CSF2RB: variants seen among roughly 807,000 people sequenced by gnomAD.
The protein encoded by CSF2RB is cytokine receptor common subunit beta.
Under a neutral mutation model 67.2 loss-of-function variants are expected in CSF2RB, and 22 were observed. That is an observed-to-expected ratio of 0.33 (90% CI 0.23 to 0.47). The LOEUF (loss-of-function observed/expected upper bound fraction) is 0.47. Among genes scored for constraint, CSF2RB ranks in the 20% least tolerant of loss-of-function variants. The pLI is 1.00. For missense variants in CSF2RB, 1,113 were observed against 1,174.5 expected, an observed-to-expected ratio of 0.95 and a Z score of 0.76; for synonymous variants, 507 against 482.9, an observed-to-expected ratio of 1.05 and a Z score of -0.65.
rs2145805493 is a variant in CSF2RB, at chr22:36,929,687, G to A, written c.598G>A (p.Glu200Lys). The A allele has an allele frequency of 6.2e-7, 1 of 1,614,218 alleles. No homozygotes were observed. Among genetic ancestry groups the A allele is most frequent in the Non-Finnish European group, 8.5e-7 (1 of 1,180,046 alleles). The stretch of plus-strand genomic sequence containing the variant: ...CACCTCCCAGGCCACCCTGGGGCCA[G>A]AGCACCTCATGCCCAGCAGCACCTA... ...SNTSQATLGPEHLMPSSTYVA... is the reference protein window; with the variant it reads ...SNTSQATLGPKHLMPSSTYVA... Residue 200 changes from glutamate (E) to lysine (K), a missense_variant, in exon 6 of 14, where the codon GAG (glutamate) becomes AAG (lysine). Glu to Lys is a moderately conservative substitution (Grantham distance 56). Transcript: ENST00000403662.
At position 36,931,195 on chromosome 22, in the gene CSF2RB, T is replaced by G. The variant is rs1057345233; in HGVS notation, c.1012+365T>G. 1.2e-4 allele frequency among the ~76,000 whole-genome samples: 18 copies of G among 152,216 alleles called. 1 individual carries two copies. In the East Asian group the frequency reaches 3.5e-3, roughly 29 times the overall value. On this transcript the variant is annotated intron_variant, in intron 8 of 13. Transcript: ENST00000403662. ...ATCCGAAATTCCCCACCGACTGATA[T>G]TCTATCTTTAATGTAATTGATCTAT...
intron 11 of CSF2RB, 94 bp downstream of exon 11, chr22:36,935,535 T>G (rs1341679356): frequency 2.5e-6 from 4 of 1,606,878 alleles, no homozygotes; most frequent in African/African-American, 2.7e-5. Context: ...GCTCTGCCGC[T>G]CCCTTCCTGG....
intron 4 of CSF2RB, among the ~76,000 whole-genome samples, chr22:36,929,193 A>G (rs563908814): frequency 4.8e-4 from 73 of 152,334 alleles, no homozygotes; most frequent in African/African-American, 1.7e-3. Context: ...TGCAATCTGC[A>G]CGGCTTTCCA....
Position 36,930,427 on chromosome 22 carries a change from G to T in CSF2RB, c.771G>T (p.Val257=). 6.2e-7 allele frequency: 1 copy of T among 1,613,718 alleles called. No homozygotes were observed. ...AGTGCTTCTTTGACGGGGCCGCCGT[G>T]CTCAGCTGCTCCTGGGAGGTGAGGA... ...NLECFFDGAA[V]LSCSWEVRKE... Residue 257 remains valine, a synonymous_variant, in exon 7 of 14, where the codon GTG becomes GTT. Coordinates refer to ENST00000403662, the MANE Select transcript of CSF2RB (RefSeq NM_000395.3).
chr22:36,922,085 A>G lies in CSF2RB; in HGVS notation c.-123A>G, dbSNP rs1940886317. ...GGGAGAGGTCCCAAGAGCCTGTGAA[A>G]TGGGTCTGGCCTGGCTCCCAGCTGG... On this transcript the variant is annotated 5_prime_UTR_variant, in exon 2 of 14. It removes an upstream start codon present in the reference 5' UTR. Coordinates refer to ENST00000403662, the MANE Select transcript of CSF2RB (RefSeq NM_000395.3). 3.2e-5 allele frequency: 27 copies of G among 851,952 alleles called. No homozygotes were observed. The East Asian group carries it at 7.0e-4, about 22-fold the overall frequency. 52.8% of individuals were successfully genotyped at this position (851,952 alleles called of 1,614,324 possible).
chr22:36,930,700 G>A lies in CSF2RB; in HGVS notation c.882G>A (p.Arg294=), dbSNP rs1941130436. 2.5e-6 allele frequency: 4 copies of A among 1,612,908 alleles called. No homozygotes were observed. The highest frequency in any genetic ancestry group is 3.4e-6 in the Non-Finnish European group (4 of 1,180,022). The part of the protein sequence containing the change: ...AGEEECSPVL[R]EGLGSLHTRH... ...AGGAAGAGTGCTCCCCAGTGCTGAGGGAGGGGCTCGGCAGCCTCCACACCA... is the reference window on the plus strand; with the variant it reads ...AGGAAGAGTGCTCCCCAGTGCTGAGAGAGGGGCTCGGCAGCCTCCACACCA... Residue 294 remains arginine, a synonymous_variant, in exon 8 of 14, where the codon AGG becomes AGA. Coordinates refer to ENST00000403662, the MANE Select transcript of CSF2RB (RefSeq NM_000395.3).
rs903431592 is a variant in CSF2RB, at chr22:36,939,576, A to G, written c.*1074A>G. On this transcript the variant is annotated 3_prime_UTR_variant, in exon 14 of 14. Transcript: ENST00000403662. ...ATGGCATTAAATTGCTTTAATTTGC[A>G]TTATTTTAGTTATCCAGTTTGCACA... The G allele has an allele frequency of 3.5e-5, 9 of 260,668 alleles. No homozygotes were observed. The highest frequency in any genetic ancestry group is 1.7e-4 in the African/African-American group (8 of 46,172). The allele number at this position is 260,668 out of a possible 1,614,324, so 16.1% of individuals were successfully genotyped here.
intron 9 of CSF2RB, 118 bp downstream of exon 9, chr22:36,933,022 G>T: frequency 4.8e-6 from 6 of 1,238,442 alleles, no homozygotes; most frequent in Non-Finnish European, 5.7e-6. Flanking sequence ...GTGAGAGGTA[G>T]CCACTGGGAC....
At chr22:36,929,606 A>AC in intron 5 of CSF2RB, 33 bp from the exon 6 acceptor site, 1 of 1,613,886 alleles carries the variant, frequency 6.2e-7, no homozygotes, top group South Asian at 1.1e-5. Flanking sequence ...GATGGGCAGC[A>AC]CCCCTCCTCC....
intron 3 of CSF2RB, 124 bp downstream of exon 3, chr22:36,923,491 G>T: frequency 7.2e-7 from 1 of 1,391,642 alleles, no homozygotes; most frequent in Non-Finnish European, 9.8e-7. Context: ...ACAGAGGACA[G>T]AGGAGGAGGG....
At chr22:36,935,831 G>A in intron 12 of CSF2RB, 144 bp downstream of exon 12, 1 of 908,158 alleles carries the variant, frequency 1.1e-6, no homozygotes, top group South Asian at 1.5e-5. Flanking sequence ...TGGGAGTGGG[G>A]CCAGCACTTG....
At chr22:36,934,038 CAT>C in intron 10 of CSF2RB, 44 bp downstream of exon 10, 1 of 1,606,958 alleles carries the variant, frequency 6.2e-7, no homozygotes, top group Non-Finnish European at 8.5e-7. Context: ...AGGACCAGCT[CAT>C]AGTTTCTCAC....
chr22:36,929,546 A>T lies in CSF2RB; in HGVS notation c.536A>T (p.Gln179Leu). The T allele has an allele frequency of 6.2e-7, 1 of 1,614,168 alleles. No individual in the cohort carries two copies. Among genetic ancestry groups the T allele is most frequent in the Non-Finnish European group, 8.5e-7 (1 of 1,180,018 alleles). Residue 179 changes from glutamine to leucine, a missense_variant, in exon 5 of 14, where the codon CAG becomes CTG. Coordinates refer to ENST00000403662, the MANE Select transcript of CSF2RB (RefSeq NM_000395.3). ...LEFEVVYKRL[Q>L]DSWEDAAILL... ...TTTGAGGTGGTCTACAAGCGGCTTC[A>T]GGACTCTTGGGAGGTAGGAACCACG...
In CSF2RB at chr22:36,933,886, G is replaced by A; in HGVS notation, c.1207G>A (p.Glu403Lys). The change falls in exon 10 of 14, where the codon GAG becomes AAG. Residue 403 changes from glutamate (E) to lysine (K), a missense_variant. This residue lies in a region of CSF2RB where 559 missense variants were observed against 656.5 expected (regional missense o/e 0.85). Coordinates refer to ENST00000403662, the MANE Select transcript of CSF2RB (RefSeq NM_000395.3). Reference sequence around the variant, plus strand: ...CCACAGCATGGCCCTGCCAGCCCTGGAGCCCTCCACCAGGTACTGGGCCAG... The same window carrying A: ...CCACAGCATGGCCCTGCCAGCCCTGAAGCCCTCCACCAGGTACTGGGCCAG... ...NAHSMALPAL[E>K]PSTRYWARVR... The A allele has an allele frequency of 6.2e-7, 1 of 1,611,348 alleles. No individual in the cohort carries two copies. The highest frequency in any genetic ancestry group is 8.5e-7 in the Non-Finnish European group (1 of 1,179,962).
At chr22:36,927,378 AG>A (rs1569134297) in intron 4 of CSF2RB, among the ~76,000 whole-genome samples, 1 of 151,868 alleles carries the variant, frequency 6.6e-6, no homozygotes, top group South Asian at 2.1e-4. Flanking sequence ...TGCCTCATGC[AG>A]GGGGTAAAGG....
At chr22:36,922,895 G>T (rs974545865) in intron 2 of CSF2RB, among the ~76,000 whole-genome samples, 3 of 151,498 alleles carry the variant, frequency 2.0e-5, no homozygotes, top group Admixed American at 6.6e-5. Flanking sequence ...CTGAGTGTGT[G>T]CCCCCTCCCA....
chr22:36,930,775 C>T lies in CSF2RB; in HGVS notation c.957C>T (p.Tyr319=), dbSNP rs1438897735. The change falls in exon 8 of 14, where the codon TAC becomes TAT. Residue 319 remains tyrosine (Y), a synonymous_variant. Transcript: ENST00000403662. ...CCGACCCCGCGACCCACGGCCAATA[C>T]ATCGTCTCTGTTCAGCCAAGGAGGG... ...PVPDPATHGQ[Y]IVSVQPRRAE... 1.9e-6 allele frequency: 3 copies of T among 1,614,108 alleles called. No individual in the cohort carries two copies. The highest frequency in any genetic ancestry group is 2.5e-6 in the Non-Finnish European group (3 of 1,180,040).
intron 13 of CSF2RB, among the ~76,000 whole-genome samples, 182 bp downstream of exon 13, chr22:36,936,834 G>A (rs1375012933): frequency 1.3e-5 from 2 of 152,180 alleles, no homozygotes; most frequent in Non-Finnish European, 2.9e-5. Context: ...CCTCTTTCCA[G>A]GTAAGGAAGT....
chr22:36,922,675 C>A (rs920071545), intron 2 of CSF2RB: 3 of 362,926 alleles, frequency 8.3e-6, no homozygotes, highest in African/African-American at 4.1e-5. Context: ...CTGCTTCAGC[C>A]GCTAGCACCC....
Sources: allele counts gnomAD v4.1 joint callset (sites outside exome capture counted in the v4.1 genomes callset), GRCh38; gene constraint gnomAD v4.1.1; regional missense constraint gnomAD v4.1.1; transcripts MANE v1.5; gene names NCBI Gene and HGNC (gene_info 2026-07-23, HGNC 2026-07-21).